Variants in GRIK4 observed in about 807,000 individuals in gnomAD.
GRIK4 encodes the protein glutamate receptor ionotropic, kainate 4.
GRIK4 carries 40 observed loss-of-function variants against 104.9 expected under a neutral mutation model. The ratio of observed to expected loss-of-function variants is 0.38; its 90% CI spans 0.30 to 0.50. The LOEUF (loss-of-function observed/expected upper bound fraction) is 0.50. GRIK4 is among the 20% of genes least tolerant of loss of function. The probability of loss-of-function intolerance (pLI) is 0.93; values close to 1 mark genes in which losing one functional copy is unlikely to be tolerated. For missense variants in GRIK4, 1,047 were observed against 1,308.1 expected, an observed-to-expected ratio of 0.80 and a Z score of 3.08; for synonymous variants, 485 against 524.9, an observed-to-expected ratio of 0.92 and a Z score of 1.04.
At chr11:120,974,068 C>T (rs538184118) in intron 19 of GRIK4, among the ~76,000 whole-genome samples, 14 of 152,256 alleles carry the variant, frequency 9.2e-5, no homozygotes, top group African/African-American at 3.4e-4. Flanking sequence ...CCACCACACC[C>T]AGCTAATTTT....
At chr11:120,783,610 T>A (rs903978689) in intron 3 of GRIK4, among the ~76,000 whole-genome samples, 74 of 152,368 alleles carry the variant, frequency 4.9e-4, no homozygotes, top group African/African-American at 1.7e-3. Context: ...TGAAATTTAC[T>A]AGCTCTTTCC....
intron 3 of GRIK4, among the ~76,000 whole-genome samples, chr11:120,712,811 G>A (rs1184710231): frequency 6.6e-6 from 1 of 152,078 alleles, no homozygotes; most frequent in Non-Finnish European, 1.5e-5. Flanking sequence ...TTATACACTT[G>A]AAGTTAGCAA....
At chr11:120,747,610 G>A (rs1043309054) in intron 3 of GRIK4, among the ~76,000 whole-genome samples, 2 of 152,220 alleles carry the variant, frequency 1.3e-5, no homozygotes, top group East Asian at 3.8e-4. Flanking sequence ...ACAATACGAG[G>A]TGAAGGAGGG....
At chr11:120,580,220 TTTCTTTC>T (rs1948554665) in intron 1 of GRIK4, among the ~76,000 whole-genome samples, 1 of 137,620 alleles carries the variant, frequency 7.3e-6, no homozygotes, top group Admixed American at 7.0e-5. Context: ...TCTTTCTTTC[TTTCTTTC>T]TTTCTTTCTT....
intron 3 of GRIK4, among the ~76,000 whole-genome samples, chr11:120,735,774 C>G (rs1951211026): frequency 6.6e-6 from 1 of 152,168 alleles, no homozygotes; most frequent in African/African-American, 2.4e-5. Context: ...TCTTCCCTCT[C>G]CTTTCCACAG....
At chr11:120,571,762 A>G (rs888172583) in intron 1 of GRIK4, among the ~76,000 whole-genome samples, 4 of 151,806 alleles carry the variant, frequency 2.6e-5, no homozygotes, top group Non-Finnish European at 5.9e-5. Flanking sequence ...TGCCTAGACT[A>G]TGTCTAGGGC....
At chr11:120,912,613 CAAG>C (rs1241257005) in intron 13 of GRIK4, among the ~76,000 whole-genome samples, 2 of 152,050 alleles carry the variant, frequency 1.3e-5, no homozygotes, top group Non-Finnish European at 2.9e-5. Flanking sequence ...GAATTGTGAA[CAAG>C]AAGAGTGAGC....
chr11:120,762,819 G>A (rs1951772565), intron 3 of GRIK4, among the ~76,000 whole-genome samples: 1 of 152,212 alleles, frequency 6.6e-6, no homozygotes, highest in Non-Finnish European at 1.5e-5. Flanking sequence ...GCTTCTTGAT[G>A]TGCTGCTGGA....
chr11:120,985,818 C>G (rs1944732778), intron 20 of GRIK4, 86 bp from the exon 21 acceptor site: 1 of 1,212,770 alleles, frequency 8.2e-7, no homozygotes, highest in Admixed American at 2.2e-5. Flanking sequence ...GACCGCTGCC[C>G]CCTTCATCCC....
chr11:120,889,352 C>G (rs917694192), intron 11 of GRIK4, among the ~76,000 whole-genome samples: 5 of 152,110 alleles, frequency 3.3e-5, no homozygotes, highest in Admixed American at 3.3e-4. Context: ...TTCCTGGGAT[C>G]CCTGGCCATA....
intron 3 of GRIK4, among the ~76,000 whole-genome samples, chr11:120,672,243 C>T (rs1334962710): frequency 6.6e-6 from 1 of 151,966 alleles, no homozygotes; most frequent in African/African-American, 2.4e-5. Context: ...TGGTGAAACC[C>T]CGTCTCTACT....
intron 16 of GRIK4, among the ~76,000 whole-genome samples, chr11:120,960,509 T>C (rs1052609096): frequency 7.9e-5 from 12 of 152,196 alleles, no homozygotes; most frequent in African/African-American, 2.7e-4. Flanking sequence ...CATTTGAAGG[T>C]TGGCTTCAGC....
chr11:120,537,734 C>T (rs1177598271), intron 1 of GRIK4, among the ~76,000 whole-genome samples: 2 of 152,200 alleles, frequency 1.3e-5, no homozygotes, highest in African/African-American at 2.4e-5. Flanking sequence ...CCTACAGCTT[C>T]AGTCTTGGCC....
intron 8 of GRIK4, among the ~76,000 whole-genome samples, chr11:120,857,016 C>A (rs1030231411): frequency 2.6e-5 from 4 of 152,144 alleles, no homozygotes; most frequent in Non-Finnish European, 4.4e-5. Flanking sequence ...TCCCAGACAC[C>A]AGACACTAAA....
intron 1 of GRIK4, among the ~76,000 whole-genome samples, chr11:120,580,423 A>T (rs1376944313): frequency 6.6e-6 from 1 of 151,696 alleles, no homozygotes; most frequent in African/African-American, 2.4e-5. Flanking sequence ...TTACAGGTGC[A>T]CACCACCATG....
intron 1 of GRIK4, among the ~76,000 whole-genome samples, chr11:120,563,777 T>C (rs1270190488): frequency 2.6e-5 from 4 of 152,312 alleles, no homozygotes; most frequent in African/African-American, 9.6e-5. Flanking sequence ...TTCAGAAGCC[T>C]ACCTCCTGAG....
Position 120,513,711 on chromosome 11 carries a change from C to A in GRIK4, c.-159+1824C>A, listed in dbSNP as rs1213855058. Among the ~76,000 whole-genome samples the A allele has an allele frequency of 1.3e-5, 2 of 152,200 alleles. No homozygotes were observed. The highest frequency in any genetic ancestry group is 2.9e-5 in the Non-Finnish European group (2 of 68,034). On this transcript the variant is annotated intron_variant, in intron 1 of 20. Transcript: ENST00000527524. The surrounding 1 kb of genome is among the most constrained non-coding windows in gnomAD (Gnocchi z 4.5). ...TCCCGCCTGCCTCACCAGCTCCACC[C>A]CTCTGTCCTCCTCTGGACCTGCCAC...
In GRIK4 at chr11:120,524,204, C is replaced by T. The variant is rs556071804; in HGVS notation, c.-159+12317C>T. Among the ~76,000 whole-genome samples, 4 of 152,318 alleles carry T rather than the reference C, an allele frequency of 2.6e-5. No homozygotes were observed. The highest frequency in any genetic ancestry group is 2.1e-4 in the South Asian group (1 of 4,830). ...CCTCCCAAAGTGCTGGGATTAGCGG[C>T]GTGAGCCACCGCGTCTGGCCGTTTC... On this transcript the variant is annotated intron_variant, in intron 1 of 20. Coordinates refer to ENST00000527524, the MANE Select transcript of GRIK4 (RefSeq NM_014619.5). This position sits in a 1 kb window ranked among gnomAD's most constrained non-coding sequence, Gnocchi z 4.5.
At chr11:120,800,409 G>A (rs529105590) in intron 3 of GRIK4, among the ~76,000 whole-genome samples, 1 of 152,146 alleles carries the variant, frequency 6.6e-6, no homozygotes, top group Non-Finnish European at 1.5e-5. Context: ...CAGCATGACT[G>A]TCTCGGTTTC....
Sources: allele counts gnomAD v4.1 joint callset (sites outside exome capture counted in the v4.1 genomes callset), GRCh38; gene constraint gnomAD v4.1.1; non-coding constraint Gnocchi (gnomAD v3.1); transcripts MANE v1.5; gene names NCBI Gene and HGNC (gene_info 2026-07-23, HGNC 2026-07-21).